Variants in RORA observed in about 807,000 individuals in gnomAD.
RORA encodes RAR related orphan receptor A, also known as nuclear receptor ROR-alpha.
Under a neutral mutation model 69.5 loss-of-function variants are expected in RORA, and 7 were observed. The observed-to-expected ratio is 0.10, with a 90% CI of 0.06 to 0.19. RORA has a LOEUF of 0.19. RORA is among the 10% of genes least tolerant of loss of function. The probability of loss-of-function intolerance (pLI) is 1.00; values close to 1 mark genes in which losing one functional copy is unlikely to be tolerated. For synonymous variants in RORA, 261 were observed against 240.8 expected (o/e 1.08, Z -0.78); for missense variants, 457 against 663.0 (o/e 0.69, Z 3.41).
At chr15:60,756,559 A>G (rs961032370) in intron 1 of RORA, among the ~76,000 whole-genome samples, 2 of 152,208 alleles carry the variant, frequency 1.3e-5, no homozygotes, top group East Asian at 1.9e-4. Context: ...TCAAAAATCA[A>G]TGTTAATAAT....
chr15:60,578,888 T>C (rs886617539), intron 2 of RORA, among the ~76,000 whole-genome samples: 1 of 151,488 alleles, frequency 6.6e-6, no homozygotes, highest in African/African-American at 2.4e-5. Flanking sequence ...CTCAGCCTCC[T>C]GAGTAGCTGG....
intron 2 of RORA, among the ~76,000 whole-genome samples, chr15:60,601,694 G>C (rs956601628): frequency 6.6e-6 from 1 of 152,122 alleles, no homozygotes; most frequent in African/African-American, 2.4e-5. Flanking sequence ...ATATAATATA[G>C]CAGTTTGTTC....
intron 1 of RORA, among the ~76,000 whole-genome samples, chr15:60,828,337 T>C (rs1214423797): frequency 6.6e-6 from 1 of 152,112 alleles, no homozygotes; most frequent in African/African-American, 2.4e-5. Context: ...AGTAATCAGT[T>C]CCAGGTAGAG....
At chr15:60,698,852 T>A (rs1031985085) in intron 1 of RORA, among the ~76,000 whole-genome samples, 1 of 152,144 alleles carries the variant, frequency 6.6e-6, no homozygotes, top group Non-Finnish European at 1.5e-5. Context: ...TCATTTATGA[T>A]GTTGTTTTGT....
At chr15:60,878,293 G>A (rs1284707334) in intron 1 of RORA, among the ~76,000 whole-genome samples, 4 of 143,882 alleles carry the variant, frequency 2.8e-5, no homozygotes, top group Non-Finnish European at 4.5e-5. Context: ...GCAGTGGGCC[G>A]AGATCGCGGC....
intron 1 of RORA, among the ~76,000 whole-genome samples, chr15:60,853,549 A>C (rs1002174530): frequency 2.0e-5 from 3 of 152,220 alleles, no homozygotes; most frequent in African/African-American, 7.2e-5. Flanking sequence ...GAAGACATCA[A>C]AAAGGAAGGA....
intron 1 of RORA, among the ~76,000 whole-genome samples, chr15:61,120,645 G>A (rs1375208142): frequency 2.8e-5 from 4 of 145,426 alleles, no homozygotes; most frequent in African/African-American, 1.0e-4. Context: ...AGCTTGCAGT[G>A]AGCCCAGATT....
intron 1 of RORA, among the ~76,000 whole-genome samples, chr15:60,737,072 C>T (rs149153191): frequency 6.6e-6 from 1 of 152,142 alleles, no homozygotes; most frequent in African/African-American, 2.4e-5. Context: ...CCCTGCAGTG[C>T]CTTTATCCTG....
At chr15:60,741,051 G>C (rs1399750737) in intron 1 of RORA, among the ~76,000 whole-genome samples, 1 of 152,212 alleles carries the variant, frequency 6.6e-6, no homozygotes, top group African/African-American at 2.4e-5. Flanking sequence ...CTGTGGTTTA[G>C]AGTGAATGGA....
chr15:60,859,980 T>C (rs1041164407), intron 1 of RORA, among the ~76,000 whole-genome samples: 20 of 152,130 alleles, frequency 1.3e-4, no homozygotes, highest in African/African-American at 4.8e-4. Flanking sequence ...CACCTACACC[T>C]GCTGCTTTCA....
chr15:60,909,581 A>G (rs955611806), intron 1 of RORA, among the ~76,000 whole-genome samples: 4 of 152,244 alleles, frequency 2.6e-5, no homozygotes, highest in Non-Finnish European at 4.4e-5. Context: ...TTATTTATAA[A>G]GGGGAGATTT....
At chr15:60,722,831 C>T (rs2071310828) in intron 1 of RORA, among the ~76,000 whole-genome samples, 2 of 152,188 alleles carry the variant, frequency 1.3e-5, no homozygotes, top group African/African-American at 4.8e-5. Flanking sequence ...TGTGAAGACC[C>T]TCCTTCCCAT....
At position 60,505,545 on chromosome 15, in the gene RORA, G is replaced by C. The variant is rs2065471808; in HGVS notation, c.905C>G (p.Thr302Ser). Residue 302 changes from threonine (T) to serine (S), a missense_variant, in exon 6 of 11, where the codon ACC becomes AGC. Transcript: ENST00000335670. ...REELQQITWQ[T>S]FLQEEIENYQ... ...GTTCTCAATTTCTTCCTGTAAAAAG[G>C]TCTGCCACGTTATCTGCTGGAGCTC... The C allele has an allele frequency of 6.2e-7, 1 of 1,613,784 alleles. No individual in the cohort carries two copies. The highest frequency in any genetic ancestry group is 8.5e-7 in the Non-Finnish European group (1 of 1,179,888).
At chr15:60,499,330 G>A (rs572998216) in intron 10 of RORA, among the ~76,000 whole-genome samples, 6 of 152,196 alleles carry the variant, frequency 3.9e-5, no homozygotes, top group Middle Eastern at 3.4e-3. Context: ...CCAGGAGTTC[G>A]AGACCAGCCT....
intron 1 of RORA, among the ~76,000 whole-genome samples, chr15:60,833,219 T>C (rs2073070937): frequency 1.4e-5 from 2 of 147,592 alleles, no homozygotes; most frequent in East Asian, 2.0e-4. Flanking sequence ...TCTTTTTTTA[T>C]TTGTATTTTT....
At chr15:61,181,680 C>CAAAAA (rs749054081) in intron 1 of RORA, among the ~76,000 whole-genome samples, 1 of 57,760 alleles carries the variant, frequency 1.7e-5, no homozygotes, top group Non-Finnish European at 3.6e-5. Context: ...TTAGCTTTGG[C>CAAAAA]AAAAAAAAAA....
intron 1 of RORA, among the ~76,000 whole-genome samples, chr15:60,819,664 C>T (rs1272744392): frequency 6.6e-6 from 1 of 151,740 alleles, no homozygotes; most frequent in Non-Finnish European, 1.5e-5. Flanking sequence ...CCTTTTTCCT[C>T]GGACCTGAGT....
chr15:60,497,408 T>C lies in RORA; in HGVS notation c.*47A>G. ...TCTCGGTTAATTTTTTTGTTTGTTT[T>C]TCATGTTTGTACTTCAGACATTCTA... On this transcript the variant is annotated 3_prime_UTR_variant, in exon 11 of 11. Coordinates refer to ENST00000335670, the MANE Select transcript of RORA (RefSeq NM_134261.3). 6.3e-7 allele frequency: 1 copy of C among 1,576,844 alleles called. No individual in the cohort carries two copies. Among genetic ancestry groups the C allele is most frequent in the South Asian group, 1.1e-5 (1 of 89,720 alleles).
intron 1 of RORA, among the ~76,000 whole-genome samples, chr15:60,691,373 C>A (rs2070822331): frequency 6.6e-6 from 1 of 152,218 alleles, no homozygotes; most frequent in Non-Finnish European, 1.5e-5. Flanking sequence ...GACTTCCCAT[C>A]CTTGGTATAC....
Sources: gnomAD v4.1 joint callset for allele counts (sites outside exome capture counted in the v4.1 genomes callset) on GRCh38, gnomAD v4.1.1 for gene constraint, MANE v1.5 for transcripts, NCBI Gene and HGNC (gene_info 2026-07-23, HGNC 2026-07-21) for gene names.